Variants in ZFHX3 observed in about 807,000 individuals in gnomAD.
ZFHX3 encodes the protein zinc finger homeobox 3, also known as zinc finger homeobox protein 3.
Under a neutral mutation model 279.1 loss-of-function variants are expected in ZFHX3, and 42 were observed. That is an observed-to-expected ratio of 0.15 (90% CI 0.12 to 0.19). The LOEUF is 0.19. Ranked by LOEUF, ZFHX3 falls within the 10% of genes least tolerant of loss-of-function variation. ZFHX3 has a pLI of 1.00. For missense variants in ZFHX3, 4,981 were observed against 4,754.0 expected (o/e 1.05, Z -1.40); for synonymous variants, 2,293 against 1,957.8 (o/e 1.17, Z -4.52).
chr16:73,869,894 G>A (rs1010674743), intron 1 of ZFHX3, among the ~76,000 whole-genome samples: 1 of 152,136 alleles, frequency 6.6e-6, no homozygotes, highest in African/African-American at 2.4e-5. Flanking sequence ...TGGAATCTTG[G>A]GGCCCCAGGA....
chr16:73,578,163 G>C (rs960581240), intron 2 of ZFHX3, among the ~76,000 whole-genome samples: 1 of 152,082 alleles, frequency 6.6e-6, no homozygotes, highest in Admixed American at 6.5e-5. Flanking sequence ...GGTCTACCTG[G>C]GGTTACTTGA....
intron 5 of ZFHX3, among the ~76,000 whole-genome samples, chr16:73,239,697 G>A (rs866570274): frequency 3.3e-5 from 5 of 152,136 alleles, no homozygotes; most frequent in South Asian, 2.1e-4. Context: ...AAGAAGGAAC[G>A]GGGATGATTT....
At chr16:72,867,639 A>AT in intron 4 of ZFHX3, among the ~76,000 whole-genome samples, 1 of 151,942 alleles carries the variant, frequency 6.6e-6, no homozygotes, top group Non-Finnish European at 1.5e-5. Flanking sequence ...TGGATCATCT[A>AT]TTTTTGCTCT....
At chr16:73,804,479 AT>A (rs1286682668) in intron 1 of ZFHX3, among the ~76,000 whole-genome samples, 1 of 152,212 alleles carries the variant, frequency 6.6e-6, no homozygotes, top group Non-Finnish European at 1.5e-5. Flanking sequence ...AGTCAGAAAC[AT>A]TGATTAAATG....
At chr16:73,511,893 C>A (rs2019433844) in intron 2 of ZFHX3, among the ~76,000 whole-genome samples, 1 of 152,104 alleles carries the variant, frequency 6.6e-6, no homozygotes, top group Admixed American at 6.5e-5. Flanking sequence ...ACCTTTAAAC[C>A]TGGCAAAAGC....
At chr16:73,684,759 G>A (rs1369745638) in intron 1 of ZFHX3, among the ~76,000 whole-genome samples, 3 of 150,772 alleles carry the variant, frequency 2.0e-5, no homozygotes, top group Non-Finnish European at 2.9e-5. Context: ...GAAGTGCAGT[G>A]GCATGATCTC....
chr16:73,082,823 A>G (rs1358386092), intron 8 of ZFHX3, among the ~76,000 whole-genome samples: 5 of 152,190 alleles, frequency 3.3e-5, no homozygotes, highest in African/African-American at 9.7e-5. Flanking sequence ...TTTCTGAAAC[A>G]TCACAACATT....
intron 2 of ZFHX3, among the ~76,000 whole-genome samples, chr16:73,569,182 G>A (rs576353003): frequency 1.4e-3 from 215 of 152,238 alleles, no homozygotes; most frequent in Non-Finnish European, 2.5e-3. Context: ...AATGGGATGG[G>A]AAGGAATATA....
intron 3 of ZFHX3, among the ~76,000 whole-genome samples, chr16:72,930,411 T>C (rs1234081535): frequency 1.3e-5 from 2 of 151,160 alleles, no homozygotes. Context: ...AAAATAAACA[T>C]AAGCTTAAAA....
intron 7 of ZFHX3, among the ~76,000 whole-genome samples, chr16:73,105,760 A>T (rs1015345676): frequency 2.6e-5 from 4 of 152,178 alleles, no homozygotes; most frequent in Non-Finnish European, 4.4e-5. Context: ...CTCAAAAAAT[A>T]AAATTAAATT....
At chr16:73,198,506 T>G (rs978913664) in intron 5 of ZFHX3, among the ~76,000 whole-genome samples, 4 of 121,576 alleles carry the variant, frequency 3.3e-5, no homozygotes, top group Non-Finnish European at 6.7e-5. Flanking sequence ...AGTGAGAGCT[T>G]GGGGTTCTTC....
intron 3 of ZFHX3, among the ~76,000 whole-genome samples, chr16:72,908,562 A>C (rs1330439800): frequency 5.3e-5 from 8 of 152,150 alleles, no homozygotes; most frequent in Admixed American, 5.2e-4. Context: ...TTGCTAATGA[A>C]ATCATTGGGT....
chr16:73,455,396 GCTAAACAAAATGGAACATACATGATGGT>G (rs1567489458), intron 3 of ZFHX3, among the ~76,000 whole-genome samples: 2 of 152,118 alleles, frequency 1.3e-5, no homozygotes, highest in African/African-American at 4.8e-5. Context: ...GACCCAGGGG[GCTAAACAAAATGGAACATACATGATGGT>G]TCTACATTCT....
At chr16:73,407,697 T>C (rs139703854) in intron 3 of ZFHX3, among the ~76,000 whole-genome samples, 39 of 152,328 alleles carry the variant, frequency 2.6e-4, no homozygotes, top group Admixed American at 4.6e-4. Context: ...TATAGAGATA[T>C]AGCAAATGCA....
At chr16:73,431,664 G>A (rs9930743) in intron 3 of ZFHX3, among the ~76,000 whole-genome samples, 20,236 of 152,156 alleles carry the variant, frequency 0.13, 1,382 homozygotes, top group East Asian at 0.19. Flanking sequence ...TTAGAATAAT[G>A]ATGTAATGAA....
At chr16:72,829,743 A>G in intron 5 of ZFHX3, 36 bp downstream of exon 5, 2 of 1,605,750 alleles carry the variant, frequency 1.2e-6, no homozygotes, top group Non-Finnish European at 1.7e-6. Context: ...GGACAGCCAC[A>G]CACACTACCT....
intron 3 of ZFHX3, among the ~76,000 whole-genome samples, chr16:72,946,651 C>T (rs913255941): frequency 1.4e-4 from 21 of 152,156 alleles, no homozygotes; most frequent in African/African-American, 4.8e-4. Flanking sequence ...GCAAGATAAA[C>T]GTGGAAGAGC....
intron 3 of ZFHX3, among the ~76,000 whole-genome samples, chr16:72,930,693 T>C (rs1156849717): frequency 6.6e-6 from 1 of 152,166 alleles, no homozygotes; most frequent in African/African-American, 2.4e-5. Flanking sequence ...AACTGATACA[T>C]TTAGAAATAC....
At chr16:73,034,243 G>A (rs912941809) in intron 1 of ZFHX3, among the ~76,000 whole-genome samples, 10 of 151,970 alleles carry the variant, frequency 6.6e-5, no homozygotes, top group Non-Finnish European at 1.2e-4. Context: ...ACTGGTCCTC[G>A]ACTAGGGAAG....
Sources: allele counts gnomAD v4.1 joint callset (sites outside exome capture counted in the v4.1 genomes callset), GRCh38; gene constraint gnomAD v4.1.1; transcripts MANE v1.5; gene names NCBI Gene and HGNC (gene_info 2026-07-23, HGNC 2026-07-21).